The following ACSL1 variants were observed in gnomAD, a reference collection of about 807,000 sequenced individuals.
ACSL1 encodes the protein long-chain-fatty-acid--CoA ligase 1.
Under a neutral mutation model 98.4 loss-of-function variants are expected in ACSL1, and 41 were observed. The ratio of observed to expected loss-of-function variants is 0.42; its 90% confidence interval spans 0.32 to 0.54. The LOEUF is 0.54. ACSL1 is among the 20% of genes least tolerant of loss of function. The pLI, the probability that ACSL1 is intolerant of heterozygous loss-of-function variation, is 0.13. For synonymous variants in ACSL1, 316 were observed against 322.7 expected (o/e 0.98, Z 0.22); for missense variants, 734 against 883.1 (o/e 0.83, Z 2.14).
At chr4:184,790,176 A>T (rs1441729977) in intron 2 of ACSL1, among the ~76,000 whole-genome samples, 1 of 152,162 alleles carries the variant, frequency 6.6e-6, no homozygotes, top group Non-Finnish European at 1.5e-5. Context: ...TTAGAAGGGG[A>T]TGACTGCCTG....
chr4:184,822,682 C>T (rs1579976442), intron 1 of ACSL1, among the ~76,000 whole-genome samples: 1 of 151,554 alleles, frequency 6.6e-6, no homozygotes, highest in Non-Finnish European at 1.5e-5. Context: ...GGAGAGGCTG[C>T]AACGAGCCAT....
At chr4:184,770,225 T>G in intron 11 of ACSL1, 174 bp downstream of exon 11, 2 of 1,528,970 alleles carry the variant, frequency 1.3e-6, no homozygotes, top group Non-Finnish European at 1.8e-6. Context: ...GAATTCTCTA[T>G]AGGGATGACA....
chr4:184,763,128 A>C lies in ACSL1; in HGVS notation c.1521+39T>G, dbSNP rs751482547. On this transcript the variant is annotated intron_variant, in intron 16 of 20. Transcript: ENST00000281455. ...TTCGCAAAGGCCAGCGATCACAGGA[A>C]ATGGCAGCGAGGGAAAATGACTGAC... 3.1e-6 allele frequency: 5 copies of C among 1,604,096 alleles called. No homozygotes were observed. In the South Asian group the frequency reaches 5.5e-5, roughly 18 times the overall value.
At chr4:184,761,702 A>C (rs1762872228) in intron 17 of ACSL1, among the ~76,000 whole-genome samples, 1 of 152,242 alleles carries the variant, frequency 6.6e-6, no homozygotes, top group Admixed American at 6.5e-5. Context: ...CATTGCTGGA[A>C]GTCTACCACA....
intron 1 of ACSL1, among the ~76,000 whole-genome samples, chr4:184,823,658 G>T (rs921401932): frequency 1.7e-4 from 26 of 152,156 alleles, no homozygotes; most frequent in Admixed American, 1.4e-3. Flanking sequence ...GATGTAGCAA[G>T]ACCTAGACAT....
intron 1 of ACSL1, among the ~76,000 whole-genome samples, chr4:184,822,665 G>A (rs549724937): frequency 5.3e-5 from 8 of 152,216 alleles, no homozygotes; most frequent in African/African-American, 1.9e-4. Context: ...ACTGAGCCCA[G>A]GGAGGTGGAG....
intron 1 of ACSL1, among the ~76,000 whole-genome samples, chr4:184,812,482 G>T (rs1266477715): frequency 1.3e-5 from 2 of 152,146 alleles, no homozygotes; most frequent in Non-Finnish European, 1.5e-5. Flanking sequence ...CCGCACACCA[G>T]AAAGGAGTAG....
At chr4:184,815,370 A>C (rs1772535111) in intron 1 of ACSL1, among the ~76,000 whole-genome samples, 1 of 152,132 alleles carries the variant, frequency 6.6e-6, no homozygotes, top group African/African-American at 2.4e-5. Flanking sequence ...TCTCTCTCCC[A>C]TGACAGCATT....
intron 4 of ACSL1, among the ~76,000 whole-genome samples, chr4:184,781,803 G>T (rs1766315140): frequency 6.6e-6 from 1 of 152,156 alleles, no homozygotes; most frequent in African/African-American, 2.4e-5. Context: ...TAAAGACAGG[G>T]TTTTGCCATG....
chr4:184,787,440 C>T (rs1262015968), intron 3 of ACSL1, among the ~76,000 whole-genome samples: 2 of 152,022 alleles, frequency 1.3e-5, no homozygotes, highest in Non-Finnish European at 2.9e-5. Flanking sequence ...ATGCTTCACT[C>T]AGAGGTAGGG....
chr4:184,776,806 T>G, intron 6 of ACSL1, 78 bp downstream of exon 6: 1 of 1,539,170 alleles, frequency 6.5e-7, no homozygotes, highest in South Asian at 1.2e-5. Flanking sequence ...CTTTGTCAAA[T>G]CAAATGTAAG....
chr4:184,768,391 G>A lies in ACSL1; in HGVS notation c.1053C>T (p.Leu351=), dbSNP rs1763955604. 1.9e-6 allele frequency: 3 copies of A among 1,613,924 alleles called. No individual in the cohort carries two copies. The highest frequency in any genetic ancestry group is 1.7e-6 in the Non-Finnish European group (2 of 1,179,986). Residue 351 remains leucine, a synonymous_variant, in exon 12 of 21, where the codon CTC becomes CTT. Coordinates refer to ENST00000281455, the MANE Select transcript of ACSL1 (RefSeq NM_001995.5). ...IGFFQGDIRL[L]MDDLKVLQPT... is the part of the protein sequence containing the mutation. ...GTTGAAGCACCTTGAGGTCATCCAT[G>A]AGCAGCCTGATATCTCCTTGGAAAA... is the stretch of plus-strand genomic sequence containing the variant.
intron 2 of ACSL1, among the ~76,000 whole-genome samples, chr4:184,795,704 T>C (rs1289184783): frequency 1.3e-5 from 2 of 152,170 alleles, no homozygotes; most frequent in African/African-American, 4.8e-5. Context: ...CCTAAAAGCG[T>C]CCCTAAGTCA....
At chr4:184,774,300 AC>A (rs2150323331) in intron 7 of ACSL1, among the ~76,000 whole-genome samples, 2 of 152,202 alleles carry the variant, frequency 1.3e-5, no homozygotes, top group South Asian at 2.1e-4. Context: ...GCACTACCTC[AC>A]CCCCACATTC....
At chr4:184,787,727 G>C (rs1243577912) in intron 3 of ACSL1, among the ~76,000 whole-genome samples, 2 of 152,136 alleles carry the variant, frequency 1.3e-5, no homozygotes, top group Admixed American at 1.3e-4. Flanking sequence ...AGCTGGGCGT[G>C]GTGGTGCATG....
chr4:184,774,447 C>G (rs1193339637), intron 7 of ACSL1, among the ~76,000 whole-genome samples: 1 of 152,116 alleles, frequency 6.6e-6, no homozygotes, highest in African/African-American at 2.4e-5. Context: ...TTGGGAGCCC[C>G]CAATTATAAA....
chr4:184,781,189 C>A (rs956998285), intron 4 of ACSL1, among the ~76,000 whole-genome samples: 8 of 145,978 alleles, frequency 5.5e-5, no homozygotes, highest in South Asian at 2.2e-4. Flanking sequence ...TGAGATCACC[C>A]CACCGCACTC....
chr4:184,783,831 T>A lies in ACSL1; in HGVS notation c.375+96A>T, dbSNP rs892207623. ...CAAGGCTCTGAGCTGGTCCAGCACATACACTCTGGAGAAACCTTCCGGCTC... is the reference window on the plus strand; with the variant it reads ...CAAGGCTCTGAGCTGGTCCAGCACAAACACTCTGGAGAAACCTTCCGGCTC... On this transcript the variant is annotated intron_variant, in intron 4 of 20. Transcript: ENST00000281455. 5.1e-6 allele frequency: 6 copies of A among 1,170,584 alleles called. No homozygotes were observed. The African/African-American group carries it at 9.2e-5, about 18-fold the overall frequency. 72.5% of individuals were successfully genotyped at this position (1,170,584 alleles called of 1,614,324 possible). A position where few individuals can be genotyped will look rare whatever the true frequency, so the allele number is the denominator to read the frequency against.
At chr4:184,819,140 C>CCT (rs1772857105) in intron 1 of ACSL1, among the ~76,000 whole-genome samples, 1 of 129,792 alleles carries the variant, frequency 7.7e-6, no homozygotes, top group African/African-American at 2.8e-5. Flanking sequence ...TTTAGATGTA[C>CCT]TTTTTTTTTT....
Sources: gnomAD v4.1 joint callset for allele counts (sites outside exome capture counted in the v4.1 genomes callset) on GRCh38, gnomAD v4.1.1 for gene constraint, MANE v1.5 for transcripts, NCBI Gene and HGNC (gene_info 2026-07-23, HGNC 2026-07-21) for gene names.